Variants in DENND1A observed in about 807,000 individuals in gnomAD.
DENND1A encodes DENN domain-containing protein 1A.
A neutral mutation model predicts 113.7 loss-of-function variants in DENND1A; 51 were observed. The ratio of observed to expected loss-of-function variants is 0.45; its 90% CI spans 0.36 to 0.57. The LOEUF (loss-of-function observed/expected upper bound fraction) is 0.57, where lower values mean the gene tolerates loss of function less well. Ranked by LOEUF, DENND1A falls within the 20% of genes least tolerant of loss-of-function variation. The pLI, the probability that DENND1A is intolerant of heterozygous loss-of-function variation, is 0.00. For synonymous variants in DENND1A, 565 were observed against 570.8 expected, an observed-to-expected ratio of 0.99 and a Z score of 0.14; for missense variants, 1,258 against 1,395.9, an observed-to-expected ratio of 0.90 and a Z score of 1.57.
intron 13 of DENND1A, among the ~76,000 whole-genome samples, chr9:123,490,680 A>G (rs1394850846): frequency 6.6e-6 from 1 of 152,248 alleles, no homozygotes; most frequent in Non-Finnish European, 1.5e-5. Context: ...CACATTAAAA[A>G]AAAAACAAGG....
intron 12 of DENND1A, among the ~76,000 whole-genome samples, chr9:123,560,859 T>C (rs2057710647): frequency 2.0e-5 from 3 of 152,134 alleles, no homozygotes; most frequent in East Asian, 1.9e-4. Context: ...CCTCCCCTTA[T>C]CAAGGACACA....
chr9:123,419,176 A>G (rs1377209409), intron 19 of DENND1A, among the ~76,000 whole-genome samples: 3 of 152,230 alleles, frequency 2.0e-5, no homozygotes. Context: ...AAGGCTGAGG[A>G]CTGTGCATGC....
At chr9:123,529,791 C>A (rs866568409) in intron 13 of DENND1A, among the ~76,000 whole-genome samples, 2 of 152,152 alleles carry the variant, frequency 1.3e-5, no homozygotes, top group African/African-American at 4.8e-5. Context: ...TGATGTGAAG[C>A]TACTTCACTA....
At position 123,704,205 on chromosome 9, in the gene DENND1A, C is replaced by T. The variant is rs73579213; in HGVS notation, c.303-27416G>A. On this transcript the variant is annotated intron_variant, in intron 5 of 23. Coordinates refer to ENST00000394215, the MANE Select transcript of DENND1A (RefSeq NM_001352964.2). ...AAACAAGCAATAAAGCTAGTTTTTA[C>T]CCCTGAAGCTCTTTGCCAAACCATG... is the stretch of plus-strand genomic sequence containing the variant. 2.4e-3 allele frequency among the ~76,000 whole-genome samples: 357 copies of T among 151,776 alleles called. 3 individuals are homozygous for T. Among genetic ancestry groups the T allele is most frequent in the African/African-American group, 8.3e-3 (344 of 41,392 alleles).
intron 2 of DENND1A, among the ~76,000 whole-genome samples, chr9:123,874,714 AAAC>A (rs1211708668): frequency 2.6e-5 from 4 of 152,222 alleles, no homozygotes; most frequent in South Asian, 2.1e-4. Context: ...AGCAAATAAA[AAAC>A]AACAAGGAGA....
chr9:123,404,092 A>G (rs2043738064), intron 20 of DENND1A, among the ~76,000 whole-genome samples: 1 of 152,150 alleles, frequency 6.6e-6, no homozygotes, highest in African/African-American at 2.4e-5. Context: ...CATCTTGTGT[A>G]GCTACATGCA....
chr9:123,427,272 C>T (rs1318664046), intron 19 of DENND1A, among the ~76,000 whole-genome samples: 1 of 152,236 alleles, frequency 6.6e-6, no homozygotes, highest in Non-Finnish European at 1.5e-5. Context: ...AGTCAGGAAC[C>T]GTGTCATTGC....
chr9:123,749,882 TCA>T (rs2069852685), intron 5 of DENND1A, among the ~76,000 whole-genome samples: 1 of 152,162 alleles, frequency 6.6e-6, no homozygotes. Context: ...AGAGAAAGTA[TCA>T]CATCTCTTGT....
chr9:123,812,284 T>G (rs150282835), intron 2 of DENND1A, among the ~76,000 whole-genome samples: 1 of 152,360 alleles, frequency 6.6e-6, no homozygotes, highest in African/African-American at 2.4e-5. Context: ...ATTACTCATG[T>G]TGCTTCAAGC....
intron 13 of DENND1A, among the ~76,000 whole-genome samples, chr9:123,476,347 G>T (rs1264347712): frequency 6.6e-6 from 1 of 152,168 alleles, no homozygotes; most frequent in East Asian, 1.9e-4. Flanking sequence ...CAGCAGGCTG[G>T]GCTGACTGAT....
chr9:123,713,531 C>A (rs118091800), intron 5 of DENND1A, among the ~76,000 whole-genome samples: 4 of 152,314 alleles, frequency 2.6e-5, no homozygotes, highest in Non-Finnish European at 5.9e-5. Flanking sequence ...TTCAGAATAG[C>A]ATTTCCATGT....
intron 19 of DENND1A, among the ~76,000 whole-genome samples, chr9:123,436,630 G>A (rs1459140471): frequency 3.9e-5 from 6 of 152,206 alleles, no homozygotes; most frequent in Non-Finnish European, 7.3e-5. Context: ...AAGAAACTAC[G>A]TGATCAGGAG....
chr9:123,684,640 C>T (rs2064691719), intron 5 of DENND1A, among the ~76,000 whole-genome samples: 1 of 152,204 alleles, frequency 6.6e-6, no homozygotes. Context: ...CTGAGATAAC[C>T]ACATTTAGCT....
chr9:123,779,872 C>CTTTGTTTTTTT (rs1831014246), intron 3 of DENND1A, among the ~76,000 whole-genome samples: 1 of 143,880 alleles, frequency 7.0e-6, no homozygotes. Flanking sequence ...TTGCATGAGA[C>CTTTGTTTTTTT]TTTTTTTTGA....
chr9:123,484,416 C>T (rs2050612703), intron 13 of DENND1A, among the ~76,000 whole-genome samples: 1 of 152,174 alleles, frequency 6.6e-6, no homozygotes. Flanking sequence ...TGTCCCTCCC[C>T]TGCTTAAATC....
chr9:123,824,085 A>G (rs1363325271), intron 2 of DENND1A, among the ~76,000 whole-genome samples: 3 of 152,202 alleles, frequency 2.0e-5, no homozygotes, highest in Non-Finnish European at 4.4e-5. Flanking sequence ...AATGAAGATG[A>G]GAATTATCAA....
At chr9:123,870,072 T>G (rs1846321306) in intron 2 of DENND1A, among the ~76,000 whole-genome samples, 1 of 150,560 alleles carries the variant, frequency 6.6e-6, no homozygotes, top group East Asian at 1.9e-4. Context: ...TCACTTTCAC[T>G]GGAAAATGCA....
chr9:123,411,571 G>A (rs2044311762), intron 20 of DENND1A: 2 of 169,658 alleles, frequency 1.2e-5, no homozygotes, highest in Non-Finnish European at 2.4e-5. Context: ...TGATCTGCAA[G>A]TCACCAAACT....
At chr9:123,816,431 A>T (rs1837496406) in intron 2 of DENND1A, among the ~76,000 whole-genome samples, 1 of 152,188 alleles carries the variant, frequency 6.6e-6, no homozygotes. Flanking sequence ...CTCTCCCCAC[A>T]ATAAAATGGG....
Sources: gnomAD v4.1 joint callset for allele counts (sites outside exome capture counted in the v4.1 genomes callset) on GRCh38, gnomAD v4.1.1 for gene constraint, MANE v1.5 for transcripts, NCBI Gene and HGNC (gene_info 2026-07-23, HGNC 2026-07-21) for gene names.